VTI1A: variants seen among roughly 807,000 people sequenced by gnomAD.
The protein encoded by VTI1A is vesicle transport through interaction with t-SNAREs 1A.
In VTI1A, 22 loss-of-function variants were observed where a neutral mutation model predicts 34.9. The observed-to-expected ratio is 0.63, with a 90% CI of 0.45 to 0.90. The LOEUF (loss-of-function observed/expected upper bound fraction) is 0.90. Ranked by LOEUF, VTI1A falls within the 40% of genes least tolerant of loss-of-function variation. The pLI is 0.00. For synonymous variants in VTI1A, 87 were observed against 97.3 expected, an observed-to-expected ratio of 0.89 and a Z score of 0.62; for missense variants, 268 against 275.6, an observed-to-expected ratio of 0.97 and a Z score of 0.20.
At chr10:112,846,063 G>A in the VTI1A span, among the ~76,000 whole-genome samples, 1 of 152,174 alleles carries the variant, frequency 6.6e-6, no homozygotes, top group East Asian at 1.9e-4. Flanking sequence ...CCTTTCTGGA[G>A]AAGAGAAGAG....
chr10:112,784,791 T>C (rs549240377), intron 7 of VTI1A, among the ~76,000 whole-genome samples: 39 of 152,340 alleles, frequency 2.6e-4, no homozygotes, highest in African/African-American at 9.4e-4. Flanking sequence ...CCAACTGTTA[T>C]GCTAGTCAAA....
chr10:112,558,858 G>A (rs897558447), intron 5 of VTI1A, among the ~76,000 whole-genome samples: 6 of 152,232 alleles, frequency 3.9e-5, no homozygotes, highest in Admixed American at 3.9e-4. Flanking sequence ...CTGTGATGAT[G>A]TGGTGACTGT....
At chr10:112,665,683 G>A (rs945378526) in intron 5 of VTI1A, among the ~76,000 whole-genome samples, 17 of 152,038 alleles carry the variant, frequency 1.1e-4, no homozygotes, top group African/African-American at 1.7e-4. Context: ...TTTTCCCCTC[G>A]GCGAACCTGA....
Position 112,767,233 on chromosome 10 carries a change from C to A in VTI1A, c.561-48057C>A, listed in dbSNP as rs2134016371. Among the ~76,000 whole-genome samples the A allele has an allele frequency of 6.6e-6, 1 of 152,312 alleles. No homozygotes were observed. Among genetic ancestry groups the A allele is most frequent in the African/African-American group, 2.4e-5 (1 of 41,572 alleles). ...TGTTAGCGCATTTTAATTCTCACAG[C>A]AATCTTTGGGTAAGTAGTTTTATCA... On this transcript the variant is annotated intron_variant, in intron 7 of 7. Transcript: ENST00000393077. This position sits in a 1 kb window ranked among gnomAD's most constrained non-coding sequence, Gnocchi z 4.0.
intron 5 of VTI1A, among the ~76,000 whole-genome samples, chr10:112,656,354 C>T (rs1847227773): frequency 6.7e-6 from 1 of 148,438 alleles, no homozygotes; most frequent in Admixed American, 6.7e-5. Context: ...ATTCAATAAA[C>T]TGACTTATCT....
chr10:112,642,608 A>AGTGTGTGT lies in VTI1A; in HGVS notation c.428-25597_428-25590dup, dbSNP rs75201126. On this transcript the variant is annotated intron_variant, in intron 5 of 7. Transcript: ENST00000393077. The stretch of plus-strand genomic sequence containing the variant: ...CGTATACACTCATAGTATACAGGGT[A>AGTGTGTGT]GTGTGTGTGTGTGTGTGTGTATGTG... Among the ~76,000 whole-genome samples the AGTGTGTGT allele has an allele frequency of 4.6e-3, 694 of 150,282 alleles. 4 individuals are homozygous for AGTGTGTGT. The highest frequency in any genetic ancestry group is 0.014 in the African/African-American group (560 of 41,072).
At chr10:112,772,443 A>G (rs955277534) in intron 7 of VTI1A, among the ~76,000 whole-genome samples, 1 of 152,236 alleles carries the variant, frequency 6.6e-6, no homozygotes, top group Non-Finnish European at 1.5e-5. Flanking sequence ...TAGTCTAGAT[A>G]TGTCTTATTG....
intron 4 of VTI1A, among the ~76,000 whole-genome samples, chr10:112,529,213 T>C (rs1031900914): frequency 6.6e-6 from 1 of 152,118 alleles, no homozygotes; most frequent in Admixed American, 6.5e-5. Context: ...GTTTTCCATC[T>C]AAAATTTGAT....
At chr10:112,700,271 T>C (rs1339789397) in intron 7 of VTI1A, among the ~76,000 whole-genome samples, 1 of 152,180 alleles carries the variant, frequency 6.6e-6, no homozygotes, top group Non-Finnish European at 1.5e-5. Flanking sequence ...ATGTTACTGG[T>C]CCCTTGATAC....
chr10:112,567,457 T>G (rs1311870803), intron 5 of VTI1A, among the ~76,000 whole-genome samples: 2 of 152,228 alleles, frequency 1.3e-5, no homozygotes, highest in Non-Finnish European at 2.9e-5. Context: ...TATCTATATC[T>G]CAATTCTGTT....
At chr10:112,550,982 G>A (rs913518158) in intron 5 of VTI1A, among the ~76,000 whole-genome samples, 1 of 152,068 alleles carries the variant, frequency 6.6e-6, no homozygotes, top group Non-Finnish European at 1.5e-5. Context: ...GGTGGCTCAC[G>A]CCTGTAATCC....
chr10:112,838,726 G>A, the VTI1A span, among the ~76,000 whole-genome samples: 2 of 152,286 alleles, frequency 1.3e-5, no homozygotes, highest in South Asian at 2.1e-4. Flanking sequence ...CTCGGTCACC[G>A]GGCAGCTCAC....
chr10:112,601,633 T>C (rs937838357), intron 5 of VTI1A, among the ~76,000 whole-genome samples: 3 of 152,174 alleles, frequency 2.0e-5, no homozygotes, highest in Non-Finnish European at 4.4e-5. Flanking sequence ...GACTGGCCAG[T>C]AAAACCCTTG....
At chr10:112,771,311 C>T (rs1318165699) in intron 7 of VTI1A, among the ~76,000 whole-genome samples, 2 of 152,248 alleles carry the variant, frequency 1.3e-5, no homozygotes, top group Non-Finnish European at 2.9e-5. Flanking sequence ...AGCATGTGCC[C>T]AGAAATGAGT....
chr10:112,583,526 A>G (rs1213930085), intron 5 of VTI1A, among the ~76,000 whole-genome samples: 1 of 152,222 alleles, frequency 6.6e-6, no homozygotes, highest in Non-Finnish European at 1.5e-5. Context: ...CACACAGATT[A>G]TGTAAAATAA....
At chr10:112,824,156 C>T in the VTI1A span, 5 of 152,270 alleles carry the variant, frequency 3.3e-5, no homozygotes, top group East Asian at 3.9e-4. Context: ...GTCTTTCGCC[C>T]CCTCAGGCTC....
chr10:112,514,455 G>T (rs1157354877), intron 3 of VTI1A, among the ~76,000 whole-genome samples: 1 of 151,390 alleles, frequency 6.6e-6, no homozygotes, highest in African/African-American at 2.4e-5. Context: ...TCAACTCTTG[G>T]TATCATTGAT....
chr10:112,855,108 G>A, the VTI1A span, among the ~76,000 whole-genome samples: 8 of 152,020 alleles, frequency 5.3e-5, no homozygotes, highest in Admixed American at 1.3e-4. Flanking sequence ...TGGGAAGCTC[G>A]ACCTGGGATG....
At chr10:112,831,688 C>A in the VTI1A span, 1 of 152,210 alleles carries the variant, frequency 6.6e-6, no homozygotes, top group South Asian at 2.1e-4. Flanking sequence ...ATAGACACTG[C>A]CTATTGATTT....
Sources: allele counts gnomAD v4.1 joint callset (sites outside exome capture counted in the v4.1 genomes callset), GRCh38; gene constraint gnomAD v4.1.1; non-coding constraint Gnocchi (gnomAD v3.1); transcripts MANE v1.5; gene names NCBI Gene and HGNC (gene_info 2026-07-23, HGNC 2026-07-21).